DNM1: variants seen among roughly 807,000 people sequenced by gnomAD.
The protein encoded by DNM1 is dynamin-1.
In DNM1, 29 loss-of-function variants were observed where a neutral mutation model predicts 104.6. The ratio of observed to expected loss-of-function variants is 0.28; its 90% CI spans 0.21 to 0.38. The LOEUF (loss-of-function observed/expected upper bound fraction) is 0.38. Ranked by LOEUF, DNM1 falls within the 10% of genes least tolerant of loss-of-function variation. The pLI is 1.00. For synonymous variants in DNM1, 445 were observed against 475.8 expected, an observed-to-expected ratio of 0.94 and a Z score of 0.84; for missense variants, 640 against 1,189.4, an observed-to-expected ratio of 0.54 and a Z score of 6.79.
At chr9:128,232,684 T>G (rs1440163635) in intron 10 of DNM1, 1 of 152,558 alleles carries the variant, frequency 6.6e-6, no homozygotes, top group African/African-American at 2.4e-5. Context: ...GCTCCCAGCT[T>G]TGCCCCATCG....
In DNM1 at chr9:128,249,994, G is replaced by A. The variant is rs542935186; in HGVS notation, c.2077-121G>A. ...TGGGGAGGTGAATCTTCCAGTCTAC[G>A]CAGTGTAGGAGCCGCGTCTGAAAAG... On this transcript the variant is annotated intron_variant, in intron 19 of 21. Transcript: ENST00000372923. 9 of 1,432,086 alleles carry A rather than the reference G, an allele frequency of 6.3e-6. No individual in the cohort carries two copies. The African/African-American group carries it at 1.1e-4, about 18-fold the overall frequency. 88.7% of individuals were successfully genotyped at this position (1,432,086 alleles called of 1,614,324 possible).
Position 128,224,048 on chromosome 9 carries a change from CA to C in DNM1, c.1197-195del. On this transcript the variant is annotated intron_variant, in intron 9 of 21. Coordinates refer to ENST00000372923, the MANE Select transcript of DNM1 (RefSeq NM_004408.4). The surrounding 1 kb of genome is among the most constrained non-coding windows in gnomAD (Gnocchi z 4.3). ...TGGGCGACAGAGCAAGACTCCGTCT[CA>C]AAAAAAATAACAACAACAACAAAAA... The C allele has an allele frequency of 2.8e-4, 169 of 596,772 alleles. No homozygotes were observed. The highest frequency in any genetic ancestry group is 4.8e-4 in the Middle Eastern group (1 of 2,070). The allele number at this position is 596,772 out of a possible 1,614,324, so 37.0% of individuals were successfully genotyped here. A position where few individuals can be genotyped will look rare whatever the true frequency, so the allele number is the denominator to read the frequency against.
intron 21 of DNM1, chr9:128,252,780 G>A: frequency 1.6e-6 from 1 of 619,546 alleles, no homozygotes; most frequent in Non-Finnish European, 3.0e-6. Flanking sequence ...CAGGGAGCTG[G>A]TGCAAATGCC....
intron 10 of DNM1, among the ~76,000 whole-genome samples, chr9:128,228,954 G>A (rs1722259372): frequency 6.6e-6 from 1 of 151,636 alleles, no homozygotes; most frequent in Admixed American, 6.6e-5. Context: ...CTGCACTCCA[G>A]CCTGGGCGAC....
rs34446611 is a variant in DNM1 at position 128,243,941 on chromosome 9, T to TTG, written c.1671+1623_1671+1624dup. 0.021 allele frequency among the ~76,000 whole-genome samples: 2,986 copies of TTG among 143,786 alleles called. 24 individuals are homozygous for TTG. The highest frequency in any genetic ancestry group is 0.031 in the African/African-American group (1,234 of 39,526). 94.3% of individuals were successfully genotyped at this position (143,786 alleles called of 152,430 possible). The stretch of plus-strand genomic sequence containing the variant: ...GTGGGTGCTGGGAGGCGGGGTGTGT[T>TTG]TGTGTGTGTGTGTGTGTGTGTGTGT... On this transcript the variant is annotated intron_variant, in intron 15 of 21. Transcript: ENST00000372923. This position sits in a 1 kb window ranked among gnomAD's most constrained non-coding sequence, Gnocchi z 4.0.
chr9:128,227,306 G>A (rs927202319), intron 10 of DNM1, among the ~76,000 whole-genome samples: 4 of 150,354 alleles, frequency 2.7e-5, no homozygotes, highest in East Asian at 1.9e-4. Flanking sequence ...GAGCCACCGC[G>A]CATTCTTTTT....
chr9:128,239,552 G>T, intron 12 of DNM1, 37 bp downstream of exon 12: 1 of 1,526,428 alleles, frequency 6.6e-7, no homozygotes. Context: ...AGTGCTCCCT[G>T]GGCAGAGAAG....
chr9:128,238,359 G>C (rs1836143727), intron 11 of DNM1, among the ~76,000 whole-genome samples: 1 of 152,126 alleles, frequency 6.6e-6, no homozygotes, highest in Non-Finnish European at 1.5e-5. Context: ...CAAGTAGCTG[G>C]GATTACAGGC....
rs1829728042 is a variant in DNM1 at position 128,254,505 on chromosome 9, T to C, written c.2535-149T>C. ...CCTTCCAGCCCCTTTTCCAGGAACC[T>C]TGCCACACCCACACCTGCAGCCTCC... On this transcript the variant is annotated intron_variant, in intron 21 of 21. Transcript: ENST00000372923. The surrounding 1 kb of genome is among the most constrained non-coding windows in gnomAD (Gnocchi z 6.1). 1 of 1,524,478 alleles carries C rather than the reference T, an allele frequency of 6.6e-7. No individual in the cohort carries two copies. Among genetic ancestry groups the C allele is most frequent in the Non-Finnish European group, 8.7e-7 (1 of 1,144,752 alleles). 94.4% of individuals were successfully genotyped at this position (1,524,478 alleles called of 1,614,324 possible). A position where few individuals can be genotyped will look rare whatever the true frequency, so the allele number is the denominator to read the frequency against.
rs1373795613 is a variant in DNM1, at chr9:128,220,740, CGCGTGT to C, written c.849+401_849+406del. 1.6e-5 allele frequency among the ~76,000 whole-genome samples: 2 copies of C among 125,698 alleles called. No homozygotes were observed. Among genetic ancestry groups the C allele is most frequent in the Admixed American group, 8.0e-5 (1 of 12,528 alleles). 82.5% of individuals were successfully genotyped at this position (125,698 alleles called of 152,430 possible). The stretch of plus-strand genomic sequence containing the variant: ...TCCAGAACTGAAGTGCGCGCGCGCG[CGCGTGT>C]GTGTGTGTGTGTGTGTGTGTGTCTG... On this transcript the variant is annotated intron_variant, in intron 6 of 21. Coordinates refer to ENST00000372923, the MANE Select transcript of DNM1 (RefSeq NM_004408.4). The surrounding 1 kb of genome is among the most constrained non-coding windows in gnomAD (Gnocchi z 5.2).
In DNM1 at chr9:128,222,289, C is replaced by T. The variant is rs775538928; in HGVS notation, c.942C>T (p.Tyr314=). Residue 314 remains tyrosine, a synonymous_variant, in exon 7 of 22, where the codon TAC becomes TAT. Transcript: ENST00000372923. This position sits in a 1 kb window ranked among gnomAD's most constrained non-coding sequence, Gnocchi z 7.8. ...CCATTGAGAAGGAGGTGGAGGAATA[C>T]AAGAACTTCCGCCCTGATGACCCAG... ...LLSIEKEVEE[Y]KNFRPDDPAR... The T allele has an allele frequency of 1.2e-6, 2 of 1,614,194 alleles. No individual in the cohort carries two copies. The highest frequency in any genetic ancestry group is 1.7e-6 in the Non-Finnish European group (2 of 1,180,012).
chr9:128,242,304 G>A lies in DNM1; in HGVS notation c.1630G>A (p.Val544Met). Residue 544 changes from valine to methionine, a missense_variant, in exon 15 of 22, where the codon GTG becomes ATG. Coordinates refer to ENST00000372923, the MANE Select transcript of DNM1 (RefSeq NM_004408.4). ...MKGGSKEYWF[V>M]LTAENLSWYK... ...AGGGGGCTCCAAGGAGTACTGGTTT[G>A]TGCTGACTGCTGAGAATCTGTCCTG... is the stretch of plus-strand genomic sequence containing the variant. 1 of 1,612,434 alleles carries A rather than the reference G, an allele frequency of 6.2e-7. No homozygotes were observed. The highest frequency in any genetic ancestry group is 8.5e-7 in the Non-Finnish European group (1 of 1,178,436).
chr9:128,237,284 C>T (rs1187479468), intron 11 of DNM1, among the ~76,000 whole-genome samples: 2 of 150,748 alleles, frequency 1.3e-5, no homozygotes. Flanking sequence ...TTTTTTGAGA[C>T]GGAGTCTCTC....
At chr9:128,236,368 G>T (rs1471293378) in intron 11 of DNM1, among the ~76,000 whole-genome samples, 1 of 152,104 alleles carries the variant, frequency 6.6e-6, no homozygotes, top group East Asian at 1.9e-4. Flanking sequence ...CCATGATGCT[G>T]CCATCTCCAT....
chr9:128,225,947 G>A (rs1835315312), intron 10 of DNM1: 1 of 1,260,410 alleles, frequency 7.9e-7, no homozygotes, highest in Non-Finnish European at 1.1e-6. Flanking sequence ...TCCACCCCTG[G>A]ATTCCTGTCT....
rs149181167 is a variant in DNM1, at chr9:128,253,163, G to T, written c.2535-1491G>T. The T allele has an allele frequency of 1.9e-6, 3 of 1,599,752 alleles. No homozygotes were observed. Among genetic ancestry groups the T allele is most frequent in the Non-Finnish European group, 2.5e-6 (3 of 1,178,784 alleles). ...GTAGGTACATGCCTCACCGCCTGCTGCATGAACGGTGTGTCTGCCCCGCTG... is the reference window on the plus strand; with the variant it reads ...GTAGGTACATGCCTCACCGCCTGCTTCATGAACGGTGTGTCTGCCCCGCTG... On this transcript the variant is annotated intron_variant, in intron 21 of 21. Coordinates refer to ENST00000372923, the MANE Select transcript of DNM1 (RefSeq NM_004408.4). The surrounding 1 kb of genome is among the most constrained non-coding windows in gnomAD (Gnocchi z 5.9).
Position 128,218,870 on chromosome 9 carries a change from G to A in DNM1, c.385+139G>A, listed in dbSNP as rs540522904. 117 of 1,342,844 alleles carry A rather than the reference G, an allele frequency of 8.7e-5. 1 individual carries two copies. In the South Asian group the frequency reaches 1.5e-3, roughly 17 times the overall value. 83.2% of individuals were successfully genotyped at this position (1,342,844 alleles called of 1,614,324 possible). On this transcript the variant is annotated intron_variant, in intron 3 of 21. Coordinates refer to ENST00000372923, the MANE Select transcript of DNM1 (RefSeq NM_004408.4). The surrounding 1 kb of genome is among the most constrained non-coding windows in gnomAD (Gnocchi z 4.8). ...ATCCTATTCCAAGCTCCACCCTGCCGTGATTCCGCCCACTTCCGGCCACGC... is the reference window on the plus strand; with the variant it reads ...ATCCTATTCCAAGCTCCACCCTGCCATGATTCCGCCCACTTCCGGCCACGC...
chr9:128,222,538 CAG>C lies in DNM1; in HGVS notation c.1071_1072del (p.Gly359SerfsTer4). 1 of 1,614,166 alleles carries C rather than the reference CAG, an allele frequency of 6.2e-7. No individual in the cohort carries two copies. The highest frequency in any genetic ancestry group is 8.5e-7 in the Non-Finnish European group (1 of 1,180,030). ...GATCAGATCGACACCTACGAACTGT[CAG>C]GGGGAGCCCGCATTAACCGAATCTT... is the stretch of plus-strand genomic sequence containing the variant. On this transcript the variant is annotated frameshift_variant, in exon 8 of 22. Transcript: ENST00000372923. LOFTEE classifies it high-confidence loss of function. The surrounding 1 kb of genome is among the most constrained non-coding windows in gnomAD (Gnocchi z 7.8).
intron 1 of DNM1, among the ~76,000 whole-genome samples, chr9:128,207,988 GC>G (rs1188265328): frequency 6.6e-6 from 1 of 151,702 alleles, no homozygotes; most frequent in African/African-American, 2.4e-5. Flanking sequence ...CCGTAACTCT[GC>G]CTACCCCCCA....
Sources: gnomAD v4.1 joint callset for allele counts (sites outside exome capture counted in the v4.1 genomes callset) on GRCh38, gnomAD v4.1.1 for gene constraint, Gnocchi (gnomAD v3.1) non-coding constraint, MANE v1.5 for transcripts, NCBI Gene and HGNC (gene_info 2026-07-23, HGNC 2026-07-21) for gene names.